GRB10: variants seen among roughly 807,000 people sequenced by gnomAD.
The protein encoded by GRB10 is growth factor receptor-bound protein 10.
A neutral mutation model predicts 80.9 loss-of-function variants in GRB10; 20 were observed. That is an observed-to-expected ratio of 0.25 (90% CI 0.17 to 0.36). The LOEUF (loss-of-function observed/expected upper bound fraction) is 0.36. GRB10 is among the 10% of genes least tolerant of loss of function. The pLI, the probability that GRB10 is intolerant of heterozygous loss-of-function variation, is 1.00. For synonymous variants in GRB10, 291 were observed against 291.5 expected, an observed-to-expected ratio of 1.00 and a Z score of 0.02; for missense variants, 548 against 747.7, an observed-to-expected ratio of 0.73 and a Z score of 3.12.
chr7:50,617,740 G>C (rs963147388), intron 10 of GRB10: 1 of 423,484 alleles, frequency 2.4e-6, no homozygotes. Flanking sequence ...AAAGGAGCTG[G>C]GGAGGGAGCC....
rs147458723 is a variant in GRB10 at position 50,774,295 on chromosome 7, C to T, written c.-217+6332G>A. On this transcript the variant is annotated intron_variant, in intron 2 of 18. Transcript: ENST00000401949. ...TGACTATGGTGGCGGTTGCACATAG[C>T]TGTGAATATATTAATTGAACACTAT... Among the ~76,000 whole-genome samples, 5 of 152,264 alleles carry T rather than the reference C, an allele frequency of 3.3e-5. No individual in the cohort carries two copies. In the East Asian group the frequency reaches 9.6e-4, roughly 29 times the overall value.
chr7:50,742,900 T>C (rs2072155765), intron 3 of GRB10, among the ~76,000 whole-genome samples: 3 of 152,070 alleles, frequency 2.0e-5, no homozygotes, highest in Non-Finnish European at 4.4e-5. Context: ...TCCTGGGGGC[T>C]GGGAAGGGGG....
chr7:50,707,923 C>G (rs1216497203), intron 4 of GRB10, among the ~76,000 whole-genome samples: 1 of 152,216 alleles, frequency 6.6e-6, no homozygotes, highest in Non-Finnish European at 1.5e-5. Flanking sequence ...CCAGGCTCCA[C>G]TGAGACATCT....
chr7:50,791,631 T>C (rs1216629098), intron 1 of GRB10, among the ~76,000 whole-genome samples: 1 of 152,236 alleles, frequency 6.6e-6, no homozygotes, highest in African/African-American at 2.4e-5. Context: ...TGTGAAATGC[T>C]ACAGAAGTAT....
intron 4 of GRB10, among the ~76,000 whole-genome samples, chr7:50,720,497 G>A (rs1272484321): frequency 1.3e-5 from 2 of 152,066 alleles, no homozygotes; most frequent in South Asian, 2.1e-4. Context: ...GACACCAGGC[G>A]CCAAAAAGGC....
At chr7:50,650,312 C>A (rs188467827) in intron 7 of GRB10, among the ~76,000 whole-genome samples, 3 of 152,134 alleles carry the variant, frequency 2.0e-5, no homozygotes, top group African/African-American at 7.2e-5. Flanking sequence ...TAGAACAGAG[C>A]GCCAACCAAG....
rs1585671654 is a variant in GRB10 at position 50,612,803 on chromosome 7, A to G, written c.1132T>C (p.Leu378=). Residue 378 remains leucine (L), a synonymous_variant, in exon 13 of 19, where the codon TTG becomes CTG. Transcript: ENST00000401949. ...KVRNETKELR[L]LCAEDEQTRT... ...GTTTGCTCGTCCTCTGCACAGAGCA[A>G]CCTCAGCTCTTTAGTTTCATTCCTG... 3.1e-6 allele frequency: 5 copies of G among 1,613,904 alleles called. No homozygotes were observed. In the African/African-American group the frequency reaches 6.7e-5, roughly 22 times the overall value.
Position 50,749,134 on chromosome 7 carries a change from G to GTTTTTTTT in GRB10, c.-47+6745_-47+6752dup, listed in dbSNP as rs11405172. On this transcript the variant is annotated intron_variant, in intron 3 of 18. Coordinates refer to ENST00000401949, the MANE Select transcript of GRB10 (RefSeq NM_001350814.2). ...TTTGTTTTGTTTTGTTTTTTTGTTT[G>GTTTTTTTT]TTTTTTTTTTTTGAGATGGAGTCTC... is the stretch of plus-strand genomic sequence containing the variant. 8.7e-5 allele frequency among the ~76,000 whole-genome samples: 12 copies of GTTTTTTTT among 137,900 alleles called. 3 individuals are homozygous for GTTTTTTTT. The highest frequency in any genetic ancestry group is 2.3e-4 in the South Asian group (1 of 4,400). 90.5% of individuals were successfully genotyped at this position (137,900 alleles called of 152,430 possible).
At chr7:50,663,702 T>C (rs990303764) in intron 7 of GRB10, among the ~76,000 whole-genome samples, 3 of 152,232 alleles carry the variant, frequency 2.0e-5, no homozygotes, top group South Asian at 2.1e-4. Flanking sequence ...TGTAGCTGCA[T>C]GTGCAGACAT....
intron 3 of GRB10, among the ~76,000 whole-genome samples, chr7:50,745,535 C>T (rs2072742320): frequency 6.6e-6 from 1 of 152,226 alleles, no homozygotes; most frequent in Non-Finnish European, 1.5e-5. Flanking sequence ...TCCGGAAGCA[C>T]TGTCTTCCTT....
chr7:50,648,032 G>A (rs919235689), intron 7 of GRB10, among the ~76,000 whole-genome samples: 4 of 152,166 alleles, frequency 2.6e-5, no homozygotes, highest in Admixed American at 2.0e-4. Flanking sequence ...CTGGAAACAG[G>A]AGTCTGGGCC....
At chr7:50,657,845 TTG>T in intron 7 of GRB10, among the ~76,000 whole-genome samples, 1 of 152,260 alleles carries the variant, frequency 6.6e-6, no homozygotes, top group Non-Finnish European at 1.5e-5. Context: ...TGTGAATTTT[TTG>T]GATTTTCAAA....
intron 2 of GRB10, among the ~76,000 whole-genome samples, chr7:50,756,732 T>C (rs2075139260): frequency 6.6e-6 from 1 of 152,138 alleles, no homozygotes; most frequent in South Asian, 2.1e-4. Flanking sequence ...GAGGAGACTT[T>C]ATAGTGACCT....
intron 5 of GRB10, 115 bp downstream of exon 5, chr7:50,703,706 A>G: frequency 1.3e-6 from 1 of 754,056 alleles, no homozygotes; most frequent in Admixed American, 1.9e-5. Context: ...GAAAAGAAGA[A>G]CCAATGTTAG....
intron 7 of GRB10, among the ~76,000 whole-genome samples, chr7:50,637,449 C>T (rs1385514511): frequency 1.3e-5 from 2 of 152,006 alleles, no homozygotes; most frequent in Admixed American, 6.6e-5. Flanking sequence ...CACACACACA[C>T]ACAACATACA....
At chr7:50,725,129 C>T (rs920533251) in intron 4 of GRB10, among the ~76,000 whole-genome samples, 1 of 152,188 alleles carries the variant, frequency 6.6e-6, no homozygotes, top group Non-Finnish European at 1.5e-5. Context: ...CGCCCAAAAT[C>T]TCATGTCCAT....
chr7:50,732,404 A>AT, intron 3 of GRB10, 36 bp from the exon 4 acceptor site: 1 of 384,540 alleles, frequency 2.6e-6, no homozygotes, highest in East Asian at 8.9e-5. Context: ...GCCAAGCCAG[A>AT]AAAAAAAAAA....
chr7:50,732,814 T>G (rs547356621), intron 3 of GRB10, among the ~76,000 whole-genome samples: 1 of 152,324 alleles, frequency 6.6e-6, no homozygotes, highest in East Asian at 1.9e-4. Context: ...GAACATCATT[T>G]GAGTGAACAC....
chr7:50,624,585 C>T (rs1207430477), intron 8 of GRB10, among the ~76,000 whole-genome samples: 3 of 152,112 alleles, frequency 2.0e-5, no homozygotes, highest in Non-Finnish European at 4.4e-5. Context: ...ACACAGAAAC[C>T]CTGTGTCAAC....
Sources: gnomAD v4.1 joint callset for allele counts (sites outside exome capture counted in the v4.1 genomes callset) on GRCh38, gnomAD v4.1.1 for gene constraint, MANE v1.5 for transcripts, NCBI Gene and HGNC (gene_info 2026-07-23, HGNC 2026-07-21) for gene names.